Variants in AIG1 observed in about 807,000 individuals in gnomAD.
AIG1 encodes androgen induced 1, also known as androgen-induced gene 1 protein.
In AIG1, 23 loss-of-function variants were observed where a neutral mutation model predicts 31.4. That is an observed-to-expected ratio of 0.73 (90% confidence interval 0.53 to 1.04). The LOEUF (loss-of-function observed/expected upper bound fraction) is 1.04. Among genes scored for constraint, AIG1 ranks in the 50% least tolerant of loss-of-function variants. The pLI, the probability that AIG1 is intolerant of heterozygous loss-of-function variation, is 0.00. For synonymous variants in AIG1, 100 were observed against 110.5 expected, an observed-to-expected ratio of 0.90 and a Z score of 0.60; for missense variants, 274 against 295.0, an observed-to-expected ratio of 0.93 and a Z score of 0.52.
intron 4 of AIG1, among the ~76,000 whole-genome samples, chr6:143,285,323 T>A (rs1195577524): frequency 6.6e-6 from 1 of 150,740 alleles, no homozygotes; most frequent in African/African-American, 2.4e-5. Context: ...TGGACAAGCA[T>A]GAGCCACCGC....
chr6:143,290,493 C>T (rs192186124), intron 4 of AIG1, among the ~76,000 whole-genome samples: 101 of 152,314 alleles, frequency 6.6e-4, no homozygotes, highest in African/African-American at 2.3e-3. Flanking sequence ...GAGGCATCCC[C>T]CCTTACCAGT....
intron 1 of AIG1, among the ~76,000 whole-genome samples, chr6:143,105,836 A>C (rs1158846561): frequency 1.4e-4 from 22 of 152,240 alleles, no homozygotes; most frequent in Admixed American, 1.4e-3. Flanking sequence ...CAATGGGCAG[A>C]TGGCAGAATC....
chr6:143,150,994 A>T (rs1158351826), intron 2 of AIG1, among the ~76,000 whole-genome samples: 2 of 152,188 alleles, frequency 1.3e-5, no homozygotes, highest in Non-Finnish European at 2.9e-5. Flanking sequence ...AAATGCCAAG[A>T]AAAAACGCTC....
chr6:143,335,343 C>T (rs1294216989), intron 5 of AIG1: 7 of 281,220 alleles, frequency 2.5e-5, no homozygotes, highest in Non-Finnish European at 3.9e-5. Flanking sequence ...ACCATCCTGG[C>T]CAACATGGTG....
intron 3 of AIG1, chr6:143,189,467 T>C (rs966219302): frequency 1.7e-4 from 165 of 983,860 alleles, no homozygotes; most frequent in Non-Finnish European, 1.9e-4. Flanking sequence ...TTATTATATA[T>C]TGAAATCAAG....
At position 143,280,296 on chromosome 6, in the gene AIG1, T is replaced by A. The variant is rs1336063431; in HGVS notation, c.400-3814T>A. 1.3e-5 allele frequency among the ~76,000 whole-genome samples: 2 copies of A among 152,114 alleles called. No individual in the cohort carries two copies. The highest frequency in any genetic ancestry group is 2.4e-5 in the African/African-American group (1 of 41,406). ...TTGGTGGGAGTGTAATTCAACCCAT[T>A]GTTGAAGGCAATATGACGATTCCTC... is the stretch of plus-strand genomic sequence containing the variant. On this transcript the variant is annotated intron_variant, in intron 3 of 5. Transcript: ENST00000357847. The surrounding 1 kb of genome is among the most constrained non-coding windows in gnomAD (Gnocchi z 4.1).
chr6:143,238,904 A>G (rs1367150914), intron 3 of AIG1, among the ~76,000 whole-genome samples: 4 of 152,230 alleles, frequency 2.6e-5, no homozygotes, highest in Non-Finnish European at 5.9e-5. Context: ...AACCAGTTAC[A>G]ACTTCCCTTT....
intron 3 of AIG1, among the ~76,000 whole-genome samples, chr6:143,227,469 C>CCAGCCTGGGGCCTGGAA (rs1793079465): frequency 6.6e-6 from 1 of 152,134 alleles, no homozygotes; most frequent in Non-Finnish European, 1.5e-5. Flanking sequence ...AAAGTGTCCT[C>CCAGCCTGGGGCCTGGAA]CAGCCTGGGG....
chr6:143,209,872 C>G (rs377543586), intron 3 of AIG1, among the ~76,000 whole-genome samples: 2 of 152,208 alleles, frequency 1.3e-5, no homozygotes, highest in African/African-American at 4.8e-5. Context: ...TCCCTTCACA[C>G]TCAAGAACGT....
intron 4 of AIG1, among the ~76,000 whole-genome samples, chr6:143,302,044 A>G (rs1286763960): frequency 6.6e-6 from 1 of 152,152 alleles, no homozygotes; most frequent in African/African-American, 2.4e-5. Context: ...AATAGAACTC[A>G]ATGGTGACTA....
chr6:143,233,121 C>A (rs1562511565), intron 3 of AIG1, among the ~76,000 whole-genome samples: 1 of 152,054 alleles, frequency 6.6e-6, no homozygotes, highest in African/African-American at 2.4e-5. Flanking sequence ...TGGGATCTGC[C>A]CCCACTCCAG....
At chr6:143,108,268 A>G (rs1356785091) in intron 1 of AIG1, among the ~76,000 whole-genome samples, 1 of 152,198 alleles carries the variant, frequency 6.6e-6, no homozygotes, top group Non-Finnish European at 1.5e-5. Context: ...TAAAAATACT[A>G]AGAGAAAATT....
At chr6:143,158,151 C>T (rs1785982681) in intron 2 of AIG1, among the ~76,000 whole-genome samples, 1 of 152,144 alleles carries the variant, frequency 6.6e-6, no homozygotes, top group South Asian at 2.1e-4. Context: ...TCTCCATCAG[C>T]TGAGCATGAG....
rs1199807252 is a variant in AIG1, at chr6:143,338,297, C to T, written c.680-1342C>T. 1 of 327,020 alleles carries T rather than the reference C, an allele frequency of 3.1e-6. No individual in the cohort carries two copies. Among genetic ancestry groups the T allele is most frequent in the South Asian group, 1.6e-4 (1 of 6,414 alleles). The allele number at this position is 327,020 out of a possible 1,614,324, so 20.3% of individuals were successfully genotyped here. On this transcript the variant is annotated intron_variant, in intron 5 of 5. Transcript: ENST00000357847. The surrounding 1 kb of genome is among the most constrained non-coding windows in gnomAD (Gnocchi z 4.3). The stretch of plus-strand genomic sequence containing the variant: ...GTACCTTCTTGCCTTCAAACCTGTT[C>T]CTCCTCCCGTCAGATGTCCTTACTC...
At chr6:143,060,784 C>CCGCCCCCGCCCA (rs1776151737), upstream of AIG1, 1 of 103,466 alleles carries the variant, frequency 9.7e-6, no homozygotes, top group African/African-American at 4.2e-5. Flanking sequence ...GGCGCGCGCC[C>CCGCCCCCGCCCA]CGCCCCCGCC....
chr6:143,246,044 G>A (rs765630612), intron 3 of AIG1, among the ~76,000 whole-genome samples: 5 of 152,074 alleles, frequency 3.3e-5, no homozygotes, highest in Non-Finnish European at 5.9e-5. Flanking sequence ...ATCTCCTCAC[G>A]TTTTAAGAAA....
chr6:143,103,732 C>T (rs538202355), intron 1 of AIG1, among the ~76,000 whole-genome samples: 1 of 152,012 alleles, frequency 6.6e-6, no homozygotes, highest in South Asian at 2.1e-4. Context: ...TGGTCTCGAT[C>T]TCCTGACCTC....
intron 3 of AIG1, among the ~76,000 whole-genome samples, chr6:143,165,862 G>T (rs1425785445): frequency 6.6e-6 from 1 of 152,148 alleles, no homozygotes; most frequent in African/African-American, 2.4e-5. Context: ...AACATTTGAG[G>T]ATATATTTTC....
chr6:143,275,222 G>A (rs1274743394), intron 3 of AIG1, among the ~76,000 whole-genome samples: 4 of 152,178 alleles, frequency 2.6e-5, no homozygotes, highest in Non-Finnish European at 4.4e-5. Flanking sequence ...GGCTGAGGAA[G>A]TGGCCTAGAA....
Sources: allele counts gnomAD v4.1 joint callset (sites outside exome capture counted in the v4.1 genomes callset), GRCh38; gene constraint gnomAD v4.1.1; non-coding constraint Gnocchi (gnomAD v3.1); transcripts MANE v1.5; gene names NCBI Gene and HGNC (gene_info 2026-07-23, HGNC 2026-07-21).